Variants in ACSL1 observed in about 807,000 individuals in gnomAD.
ACSL1 encodes long-chain-fatty-acid--CoA ligase 1.
Under a neutral mutation model 98.4 loss-of-function variants are expected in ACSL1, and 41 were observed. That is an observed-to-expected ratio of 0.42 (90% confidence interval 0.32 to 0.54). The LOEUF (loss-of-function observed/expected upper bound fraction) is 0.54. Ranked by LOEUF, ACSL1 falls within the 20% of genes least tolerant of loss-of-function variation. The pLI, the probability that ACSL1 is intolerant of heterozygous loss-of-function variation, is 0.13. For synonymous variants in ACSL1, 316 were observed against 322.7 expected, an observed-to-expected ratio of 0.98 and a Z score of 0.22; for missense variants, 734 against 883.1, an observed-to-expected ratio of 0.83 and a Z score of 2.14.
chr4:184,761,116 C>G (rs1276141053), intron 17 of ACSL1, among the ~76,000 whole-genome samples: 4 of 152,196 alleles, frequency 2.6e-5, no homozygotes, highest in Non-Finnish European at 5.9e-5. Context: ...CGGGGCCACT[C>G]TCATGCCTCC....
At position 184,803,451 on chromosome 4, in the gene ACSL1, C is replaced by T. The variant is rs745309467; in HGVS notation, c.64G>A (p.Val22Met). ...MPELVDFRQYVRTLPTNTLMG... is the reference protein window; with the variant it reads ...MPELVDFRQYMRTLPTNTLMG... ...AGCGTGTTGGTCGGAAGAGTACGCA[C>T]GTACTGTCGGAAGTCAACCAGCTCT... Residue 22 changes from valine to methionine, a missense_variant, in exon 2 of 21, where the codon GTG becomes ATG. Coordinates refer to ENST00000281455, the MANE Select transcript of ACSL1 (RefSeq NM_001995.5). The surrounding 1 kb of genome is among the most constrained non-coding windows in gnomAD (Gnocchi z 4.8). The T allele has an allele frequency of 2.4e-5, 39 of 1,613,254 alleles. No homozygotes were observed. Among genetic ancestry groups the T allele is most frequent in the Non-Finnish European group, 2.7e-5 (32 of 1,179,682 alleles).
At chr4:184,775,094 G>A (rs12508858) in intron 7 of ACSL1, among the ~76,000 whole-genome samples, 152,034 of 152,344 alleles carry the variant, frequency 1, 75,863 homozygotes, top group Non-Finnish European at 1. Flanking sequence ...CACTGTTGCC[G>A]CAAAAGTTTC....
intron 11 of ACSL1, among the ~76,000 whole-genome samples, 184 bp from the exon 12 acceptor site, chr4:184,768,634 G>GT (rs1365576608): frequency 2.0e-5 from 3 of 152,248 alleles, no homozygotes; most frequent in African/African-American, 7.2e-5. Flanking sequence ...TGGAAATGTG[G>GT]TATTTCTCTT....
At chr4:184,763,084 G>T in intron 16 of ACSL1, 83 bp downstream of exon 16, 2 of 1,406,954 alleles carry the variant, frequency 1.4e-6, no homozygotes, top group East Asian at 2.3e-5. Flanking sequence ...TTATTGAGCT[G>T]TTGGGAAATA....
Position 184,757,823 on chromosome 4 carries a change from T to TA in ACSL1, c.1879_1880insT (p.Asn627IlefsTer2). The TA allele has an allele frequency of 1.2e-6, 2 of 1,614,146 alleles. No homozygotes were observed. The highest frequency in any genetic ancestry group is 1.7e-6 in the Non-Finnish European group (2 of 1,179,978). Reference sequence around the variant, plus strand: ...CTGGACCCTTCAGAACCTTACCTTATTTCTGCACAGTTCCTCAAACGACCC... The same window carrying TA: ...CTGGACCCTTCAGAACCTTACCTTATATTCTGCACAGTTCCTCAAACGACCC... On this transcript the variant is annotated frameshift_variant, in exon 19 of 21. Transcript: ENST00000281455. LOFTEE classifies it high-confidence loss of function. This position sits in a 1 kb window ranked among gnomAD's most constrained non-coding sequence, Gnocchi z 4.5.
chr4:184,784,257 C>T (rs1766836038), intron 3 of ACSL1, among the ~76,000 whole-genome samples: 1 of 152,106 alleles, frequency 6.6e-6, no homozygotes, highest in Admixed American at 6.5e-5. Context: ...CTTAAGGGCA[C>T]TTAATTTGTG....
Position 184,803,237 on chromosome 4 carries a change from G to A in ACSL1, c.195+83C>T, listed in dbSNP as rs756801199. 2.4e-6 allele frequency: 3 copies of A among 1,239,408 alleles called. No homozygotes were observed. The highest frequency in any genetic ancestry group is 3.3e-6 in the Non-Finnish European group (3 of 916,418). The allele number at this position is 1,239,408 out of a possible 1,614,324, so 76.8% of individuals were successfully genotyped here. A position where few individuals can be genotyped will look rare whatever the true frequency, so the allele number is the denominator to read the frequency against. On this transcript the variant is annotated intron_variant, in intron 2 of 20. Coordinates refer to ENST00000281455, the MANE Select transcript of ACSL1 (RefSeq NM_001995.5). This position sits in a 1 kb window ranked among gnomAD's most constrained non-coding sequence, Gnocchi z 4.8. ...CAGTTATAAACAAATATTTGATCTT[G>A]ATGGCTATCACATTCAACAGGGCTC...
At chr4:184,826,579 C>T (rs987957673), upstream of ACSL1, 1 of 152,398 alleles carries the variant, frequency 6.6e-6, no homozygotes, top group Non-Finnish European at 1.5e-5. Context: ...CAGCTCGCGC[C>T]GGTGCAGGGG....
At chr4:184,775,171 T>C (rs1443381201) in intron 7 of ACSL1, among the ~76,000 whole-genome samples, 3 of 152,162 alleles carry the variant, frequency 2.0e-5, no homozygotes, top group African/African-American at 4.8e-5. Context: ...TTTTTTGAGA[T>C]GGAGTCTCGC....
intron 2 of ACSL1, chr4:184,798,388 T>C (rs933909528): frequency 7.9e-5 from 12 of 152,302 alleles, no homozygotes; most frequent in African/African-American, 2.9e-4. Context: ...ATTATGATCT[T>C]GTAGTAGTTG....
chr4:184,780,444 G>A lies in ACSL1; in HGVS notation c.376-11C>T, dbSNP rs768585909. On this transcript the variant is annotated splice_polypyrimidine_tract_variant and intron_variant, in intron 4 of 20. Coordinates refer to ENST00000281455, the MANE Select transcript of ACSL1 (RefSeq NM_001995.5). ...CGACAATTCTGCAACCTAAAATGGA[G>A]AGGAAAAAGTCAGAAGCAGCATTGG... 4 of 1,607,228 alleles carry A rather than the reference G, an allele frequency of 2.5e-6. No homozygotes were observed. The South Asian group carries it at 3.3e-5, about 13-fold the overall frequency.
chr4:184,781,976 C>T (rs1766349034), intron 4 of ACSL1, among the ~76,000 whole-genome samples: 1 of 152,172 alleles, frequency 6.6e-6, no homozygotes, highest in South Asian at 2.1e-4. Flanking sequence ...CACACCCATA[C>T]CCATAGGAAA....
rs552007991 is a variant in ACSL1, at chr4:184,800,376, G to A, written c.195+2944C>T. Reference sequence around the variant, plus strand: ...CTGTACTTTGCTTAACTGCAACCACGTGTGTCTGGGCTCCGACCAATCCGA... The same window carrying A: ...CTGTACTTTGCTTAACTGCAACCACATGTGTCTGGGCTCCGACCAATCCGA... On this transcript the variant is annotated intron_variant, in intron 2 of 20. Transcript: ENST00000281455. Among the ~76,000 whole-genome samples the A allele has an allele frequency of 5.3e-5, 8 of 152,126 alleles. No individual in the cohort carries two copies. The East Asian group carries it at 7.7e-4, about 15-fold the overall frequency.
intron 14 of ACSL1, among the ~76,000 whole-genome samples, chr4:184,765,220 C>A (rs1409293873): frequency 6.6e-6 from 1 of 152,184 alleles, no homozygotes; most frequent in African/African-American, 2.4e-5. Context: ...AGGACATGTA[C>A]CCCACACATG....
chr4:184,786,475 A>G (rs1767366603), intron 3 of ACSL1, among the ~76,000 whole-genome samples: 4 of 151,344 alleles, frequency 2.6e-5, no homozygotes, highest in Admixed American at 2.6e-4. Flanking sequence ...CATGTGCCAT[A>G]TGTTAGGCTG....
At chr4:184,781,588 C>T in intron 4 of ACSL1, among the ~76,000 whole-genome samples, 1 of 151,902 alleles carries the variant, frequency 6.6e-6, no homozygotes, top group East Asian at 1.9e-4. Flanking sequence ...TTTTCTTTTC[C>T]TTTTTCTTTT....
chr4:184,761,760 T>C (rs1053290941), intron 17 of ACSL1, among the ~76,000 whole-genome samples: 2 of 152,046 alleles, frequency 1.3e-5, no homozygotes, highest in Non-Finnish European at 2.9e-5. Context: ...CACGGCTCAG[T>C]ACGGATATTG....
chr4:184,781,995 T>C (rs1766354650), intron 4 of ACSL1, among the ~76,000 whole-genome samples: 1 of 152,138 alleles, frequency 6.6e-6, no homozygotes, highest in African/African-American at 2.4e-5. Flanking sequence ...AATAAGACCA[T>C]ACCTACTCCT....
intron 1 of ACSL1, chr4:184,814,944 A>G (rs1579966776): frequency 2.2e-6 from 1 of 449,562 alleles, no homozygotes; most frequent in East Asian, 7.0e-5. Flanking sequence ...CCAGGGGGAT[A>G]ACCAACTCTC....
Sources: gnomAD v4.1 joint callset for allele counts (sites outside exome capture counted in the v4.1 genomes callset) on GRCh38, gnomAD v4.1.1 for gene constraint, Gnocchi (gnomAD v3.1) non-coding constraint, MANE v1.5 for transcripts, NCBI Gene and HGNC (gene_info 2026-07-23, HGNC 2026-07-21) for gene names.